The following GDPD4 variants were observed in gnomAD, a reference collection of about 807,000 sequenced individuals.
The protein encoded by GDPD4 is glycerophosphodiester phosphodiesterase domain containing 4.
In GDPD4, 60 loss-of-function variants were observed where a neutral mutation model predicts 67.8. That is an observed-to-expected ratio of 0.88 (90% confidence interval 0.72 to 1.10). The LOEUF (loss-of-function observed/expected upper bound fraction) is 1.10, where lower values mean the gene tolerates loss of function less well. Among genes scored for constraint, GDPD4 ranks in the 50% least tolerant of loss-of-function variants. The pLI is 0.00. For synonymous variants in GDPD4, 212 were observed against 210.9 expected (o/e 1.00, Z -0.04); for missense variants, 623 against 613.9 (o/e 1.01, Z -0.16).
intron 1 of GDPD4, among the ~76,000 whole-genome samples, chr11:77,290,822 G>A (rs1937747315): frequency 6.6e-6 from 1 of 152,082 alleles, no homozygotes; most frequent in Admixed American, 6.5e-5. Context: ...CAACACCACA[G>A]TGAGACATTA....
intron 11 of GDPD4, among the ~76,000 whole-genome samples, chr11:77,254,328 G>A: frequency 6.6e-6 from 1 of 152,196 alleles, no homozygotes; most frequent in Non-Finnish European, 1.5e-5. Context: ...TCAGCTGGGG[G>A]ATGAGGTGGC....
intron 16 of GDPD4, among the ~76,000 whole-genome samples, chr11:77,226,327 ACAGGG>A (rs1958337180): frequency 6.6e-6 from 1 of 152,070 alleles, no homozygotes; most frequent in South Asian, 2.1e-4. Context: ...GTATTTGGAG[ACAGGG>A]CACTTCAGGA....
intron 11 of GDPD4, among the ~76,000 whole-genome samples, chr11:77,246,184 G>A (rs1958782517): frequency 1.3e-5 from 2 of 152,200 alleles, no homozygotes; most frequent in Non-Finnish European, 2.9e-5. Flanking sequence ...TACTAAGGAG[G>A]CTAAGGCAGA....
intron 1 of GDPD4, among the ~76,000 whole-genome samples, chr11:77,296,250 CAAA>C (rs200238027): frequency 0.33 from 34,209 of 103,414 alleles, 4,416 homozygotes; most frequent in Middle Eastern, 0.42. Flanking sequence ...GACTTCGTCT[CAAA>C]AAAAAAAAAA....
At position 77,258,400 on chromosome 11, in the gene GDPD4, A is replaced by T; in HGVS notation, c.850T>A (p.Phe284Ile). ...ATGTGTCTTACCTCTGGTTTTACAA[A>T]CCATTTGCCTGCATTCAGAGTCGAT... is the stretch of plus-strand genomic sequence containing the variant. The part of the protein sequence containing the change: ...FLSTLNAGKW[F>I]VKPELRPFYN... The change falls in exon 11 of 17, where the codon TTT becomes ATT. Residue 284 changes from phenylalanine to isoleucine, a missense_variant. Phe to Ile is a conservative substitution (Grantham distance 21). Transcript: ENST00000315938. 6.2e-7 allele frequency: 1 copy of T among 1,614,070 alleles called. No homozygotes were observed. Among genetic ancestry groups the T allele is most frequent in the East Asian group, 2.2e-5 (1 of 44,868 alleles).
chr11:77,242,887 C>G (rs1958698167), intron 13 of GDPD4, among the ~76,000 whole-genome samples: 1 of 151,912 alleles, frequency 6.6e-6, no homozygotes, highest in Non-Finnish European at 1.5e-5. Flanking sequence ...CATGCAACAG[C>G]CTTTTACTAA....
At chr11:77,238,243 G>T (rs1431779533) in intron 13 of GDPD4, among the ~76,000 whole-genome samples, 1 of 152,146 alleles carries the variant, frequency 6.6e-6, no homozygotes, top group East Asian at 1.9e-4. Flanking sequence ...GGTGGCAATT[G>T]CACAACGATG....
chr11:77,277,658 G>C (rs1269105007), intron 4 of GDPD4, among the ~76,000 whole-genome samples: 1 of 151,592 alleles, frequency 6.6e-6, no homozygotes, highest in Non-Finnish European at 1.5e-5. Flanking sequence ...TATTAGTCTT[G>C]CTAGCGGTCT....
intron 3 of GDPD4, among the ~76,000 whole-genome samples, chr11:77,283,944 C>T (rs1315521032): frequency 6.6e-6 from 1 of 151,276 alleles, no homozygotes; most frequent in Non-Finnish European, 1.5e-5. Context: ...CAACCTCTGC[C>T]TCCCAGGCCC....
At chr11:77,247,021 C>T (rs1262402133) in intron 11 of GDPD4, among the ~76,000 whole-genome samples, 3 of 152,304 alleles carry the variant, frequency 2.0e-5, no homozygotes, top group African/African-American at 7.2e-5. Context: ...ACAACTTTAT[C>T]TTCATTCTCT....
intron 16 of GDPD4, among the ~76,000 whole-genome samples, chr11:77,225,587 G>A (rs774382205): frequency 1.3e-5 from 2 of 152,144 alleles, no homozygotes; most frequent in African/African-American, 2.4e-5. Context: ...ATCTTAAAAT[G>A]TAGCCAGAGG....
At position 77,245,514 on chromosome 11, in the gene GDPD4, T is replaced by A; in HGVS notation, c.865-12A>T. The A allele has an allele frequency of 1.3e-6, 2 of 1,593,144 alleles. No homozygotes were observed. The highest frequency in any genetic ancestry group is 1.3e-5 in the African/African-American group (1 of 74,364). On this transcript the variant is annotated splice_polypyrimidine_tract_variant and intron_variant, in intron 11 of 16. Coordinates refer to ENST00000315938, the MANE Select transcript of GDPD4 (RefSeq NM_182833.3). ...TAAAATGGCCTGAGCTAGAAACAAA[T>A]ACATCAAAAAATACATAAAAGCACT...
chr11:77,235,697 A>AT (rs1319709296), intron 13 of GDPD4, among the ~76,000 whole-genome samples: 1 of 152,246 alleles, frequency 6.6e-6, no homozygotes, highest in African/African-American at 2.4e-5. Flanking sequence ...GCTCATGCCT[A>AT]TAATCCCAAT....
At chr11:77,233,415 G>T (rs1436350497) in intron 13 of GDPD4, among the ~76,000 whole-genome samples, 1 of 33,188 alleles carries the variant, frequency 3.0e-5, no homozygotes, top group Non-Finnish European at 5.4e-5. Context: ...GTCCTAAGGA[G>T]AATAATAAAA....
chr11:77,244,275 C>T (rs1184695954), intron 12 of GDPD4, among the ~76,000 whole-genome samples: 1 of 152,130 alleles, frequency 6.6e-6, no homozygotes, highest in Non-Finnish European at 1.5e-5. Context: ...CCTCATGATC[C>T]GCCCGCCTCG....
intron 10 of GDPD4, among the ~76,000 whole-genome samples, chr11:77,259,611 C>G (rs1018794713): frequency 2.0e-5 from 3 of 150,946 alleles, no homozygotes; most frequent in Non-Finnish European, 4.4e-5. Flanking sequence ...GCCCAGGCTT[C>G]TTTCCTGCAG....
intron 5 of GDPD4, among the ~76,000 whole-genome samples, chr11:77,275,251 C>T (rs2135877715): frequency 6.6e-6 from 1 of 152,216 alleles, no homozygotes; most frequent in Non-Finnish European, 1.5e-5. Context: ...AAGCAAGAGG[C>T]TGTCACTGGA....
chr11:77,272,682 G>A (rs1959270069), intron 5 of GDPD4, among the ~76,000 whole-genome samples: 1 of 151,996 alleles, frequency 6.6e-6, no homozygotes, highest in Non-Finnish European at 1.5e-5. Context: ...AGGCTGAAGT[G>A]GGAGAATCGC....
chr11:77,227,731 T>TGC, intron 16 of GDPD4, 133 bp downstream of exon 16: 2 of 612,696 alleles, frequency 3.3e-6, no homozygotes, highest in African/African-American at 1.8e-5. Context: ...CTTCCCCTGG[T>TGC]CCCTCCCCCA....
Sources: allele counts gnomAD v4.1 joint callset (sites outside exome capture counted in the v4.1 genomes callset), GRCh38; gene constraint gnomAD v4.1.1; transcripts MANE v1.5; gene names NCBI Gene and HGNC (gene_info 2026-07-23, HGNC 2026-07-21).